GALNTL6: variants seen among roughly 807,000 people sequenced by gnomAD.
The protein encoded by GALNTL6 is polypeptide N-acetylgalactosaminyltransferase like 6.
In GALNTL6, 46 loss-of-function variants were observed where a neutral mutation model predicts 73.7. The ratio of observed to expected loss-of-function variants is 0.62; its 90% CI spans 0.49 to 0.80. The LOEUF (loss-of-function observed/expected upper bound fraction) is 0.80, where lower values mean the gene tolerates loss of function less well. Ranked by LOEUF, GALNTL6 falls within the 30% of genes least tolerant of loss-of-function variation. The pLI, the probability that GALNTL6 is intolerant of heterozygous loss-of-function variation, is 0.00. For synonymous variants in GALNTL6, 259 were observed against 263.7 expected (o/e 0.98, Z 0.17); for missense variants, 604 against 755.0 (o/e 0.80, Z 2.34).
At chr4:172,717,425 G>A (rs889798535) in intron 5 of GALNTL6, among the ~76,000 whole-genome samples, 1 of 152,160 alleles carries the variant, frequency 6.6e-6, no homozygotes, top group African/African-American at 2.4e-5. Flanking sequence ...ATGTGCTAAC[G>A]CAGTCCACAT....
chr4:173,017,350 T>G (rs1752824615), intron 11 of GALNTL6, among the ~76,000 whole-genome samples: 1 of 152,222 alleles, frequency 6.6e-6, no homozygotes, highest in Non-Finnish European at 1.5e-5. Flanking sequence ...TCTACATTCT[T>G]CTGTCAATAA....
chr4:172,191,224 G>A (rs1399783420), intron 2 of GALNTL6, among the ~76,000 whole-genome samples: 5 of 152,068 alleles, frequency 3.3e-5, no homozygotes, highest in Admixed American at 2.0e-4. Flanking sequence ...AACCACTATG[G>A]TCTCACTTAC....
At chr4:172,384,918 G>A (rs187644886) in intron 5 of GALNTL6, among the ~76,000 whole-genome samples, 3 of 150,738 alleles carry the variant, frequency 2.0e-5, no homozygotes, top group Admixed American at 2.0e-4. Flanking sequence ...GCTAAGGTTT[G>A]TTGTGTTGGG....
chr4:172,527,304 T>A (rs1297862790), intron 5 of GALNTL6, among the ~76,000 whole-genome samples: 3 of 152,194 alleles, frequency 2.0e-5, no homozygotes, highest in African/African-American at 7.2e-5. Context: ...ATGGAATGGC[T>A]GATTGTAGAC....
intron 5 of GALNTL6, among the ~76,000 whole-genome samples, chr4:172,741,165 T>C (rs929540184): frequency 6.6e-6 from 1 of 152,098 alleles, no homozygotes; most frequent in African/African-American, 2.4e-5. Flanking sequence ...TTGCTCCTCC[T>C]TGGGCTAAAG....
intron 5 of GALNTL6, among the ~76,000 whole-genome samples, chr4:172,803,619 ACT>A (rs1332077602): frequency 6.6e-6 from 1 of 151,864 alleles, no homozygotes; most frequent in African/African-American, 2.4e-5. Flanking sequence ...AGTGATCATC[ACT>A]CTTTGTGTGA....
intron 5 of GALNTL6, among the ~76,000 whole-genome samples, chr4:172,754,276 A>T (rs548259146): frequency 3.3e-5 from 5 of 152,342 alleles, no homozygotes; most frequent in African/African-American, 1.2e-4. Context: ...GACAGAATAT[A>T]ACATAGATTT....
chr4:172,211,358 A>G (rs188295558), intron 2 of GALNTL6, among the ~76,000 whole-genome samples: 1 of 152,290 alleles, frequency 6.6e-6, no homozygotes, highest in African/African-American at 2.4e-5. Context: ...CGTATGTCTA[A>G]ATATTTCTAT....
chr4:172,103,948 T>TC lies in GALNTL6; in HGVS notation c.139-125707dup, dbSNP rs113878748. ...TTTTTGTTTTTTTCTTTTCTTTTTCTCTTTTTTTTTTTTTGAGACCAGTCT... is the reference window on the plus strand; with the variant it reads ...TTTTTGTTTTTTTCTTTTCTTTTTCTCCTTTTTTTTTTTTTGAGACCAGTCT... On this transcript the variant is annotated intron_variant, in intron 2 of 12. Coordinates refer to ENST00000506823, the MANE Select transcript of GALNTL6 (RefSeq NM_001034845.3). 8.4e-3 allele frequency among the ~76,000 whole-genome samples: 1,019 copies of TC among 121,784 alleles called. 16 individuals carry two copies. Among genetic ancestry groups the TC allele is most frequent in the African/African-American group, 0.031 (936 of 29,806 alleles). The allele number at this position is 121,784 out of a possible 152,430, so 79.9% of individuals were successfully genotyped here.
chr4:172,110,489 A>G (rs538743536), intron 2 of GALNTL6, among the ~76,000 whole-genome samples: 3 of 152,334 alleles, frequency 2.0e-5, no homozygotes, highest in African/African-American at 7.2e-5. Flanking sequence ...TTTAAAAATT[A>G]AAGAAAAAAG....
At chr4:171,867,629 A>C (rs1227044765) in intron 2 of GALNTL6, among the ~76,000 whole-genome samples, 1 of 152,244 alleles carries the variant, frequency 6.6e-6, no homozygotes, top group African/African-American at 2.4e-5. Flanking sequence ...ATGTTTCCAC[A>C]CAGTAGCCAG....
At chr4:171,849,143 A>G (rs1297567252) in intron 2 of GALNTL6, among the ~76,000 whole-genome samples, 1 of 152,182 alleles carries the variant, frequency 6.6e-6, no homozygotes, top group Non-Finnish European at 1.5e-5. Flanking sequence ...ATTAAGCTTA[A>G]TCATTTTTAG....
At chr4:171,984,794 T>C (rs1199869849) in intron 2 of GALNTL6, among the ~76,000 whole-genome samples, 1 of 152,150 alleles carries the variant, frequency 6.6e-6, no homozygotes, top group African/African-American at 2.4e-5. Context: ...ATGAATTATA[T>C]AGCCAGCATT....
chr4:172,051,368 A>G (rs1730858081), intron 2 of GALNTL6, among the ~76,000 whole-genome samples: 1 of 152,056 alleles, frequency 6.6e-6, no homozygotes, highest in Non-Finnish European at 1.5e-5. Context: ...CCCTCTTGAT[A>G]CCCAGGTCCT....
chr4:172,489,937 A>G (rs1156881950), intron 5 of GALNTL6, among the ~76,000 whole-genome samples: 3 of 152,212 alleles, frequency 2.0e-5, no homozygotes, highest in East Asian at 1.9e-4. Flanking sequence ...TTAGATACTG[A>G]AAAAGAGGAG....
intron 2 of GALNTL6, among the ~76,000 whole-genome samples, chr4:171,853,748 A>T (rs1202515931): frequency 1.3e-5 from 2 of 151,174 alleles, no homozygotes; most frequent in Non-Finnish European, 2.9e-5. Context: ...AGTAGCTGGG[A>T]CTACAGGTGC....
chr4:172,640,844 A>G (rs750380841), intron 5 of GALNTL6, among the ~76,000 whole-genome samples: 22 of 152,100 alleles, frequency 1.4e-4, no homozygotes, highest in Admixed American at 4.6e-4. Flanking sequence ...ATATATGACA[A>G]TTCCAAATTT....
chr4:172,813,401 A>C (rs1042371889), intron 6 of GALNTL6, 139 bp from the exon 7 acceptor site: 1 of 551,268 alleles, frequency 1.8e-6, no homozygotes, highest in East Asian at 2.9e-5. Context: ...GAGATTCCTG[A>C]AAAGGGCTCT....
intron 5 of GALNTL6, among the ~76,000 whole-genome samples, chr4:172,765,667 CT>C (rs1183940812): frequency 1.3e-5 from 2 of 152,068 alleles, no homozygotes; most frequent in African/African-American, 4.8e-5. Context: ...TCTTATGCAG[CT>C]TTTGAGTGGG....
Sources: allele counts gnomAD v4.1 joint callset (sites outside exome capture counted in the v4.1 genomes callset), GRCh38; gene constraint gnomAD v4.1.1; transcripts MANE v1.5; gene names NCBI Gene and HGNC (gene_info 2026-07-23, HGNC 2026-07-21).